Variants in OSBPL10 observed in about 807,000 individuals in gnomAD.
The protein encoded by OSBPL10 is oxysterol binding protein like 10, also known as oxysterol-binding protein-related protein 10.
OSBPL10 carries 49 observed loss-of-function variants against 81.7 expected under a neutral mutation model. That is an observed-to-expected ratio of 0.60 (90% CI 0.48 to 0.76). The LOEUF is 0.76. Ranked by LOEUF, OSBPL10 falls within the 30% of genes least tolerant of loss-of-function variation. OSBPL10 has a pLI of 0.00. For synonymous variants in OSBPL10, 419 were observed against 383.6 expected (o/e 1.09, Z -1.08); for missense variants, 923 against 987.8 (o/e 0.93, Z 0.88).
At chr3:31,861,331 T>C (rs535879822) in intron 3 of OSBPL10, among the ~76,000 whole-genome samples, 66 of 152,326 alleles carry the variant, frequency 4.3e-4, no homozygotes, top group African/African-American at 1.5e-3. Context: ...ATATAACCTA[T>C]GCATATATAT....
intron 1 of OSBPL10, among the ~76,000 whole-genome samples, chr3:31,881,114 C>T (rs561481562): frequency 4.6e-5 from 7 of 152,274 alleles, no homozygotes; most frequent in Admixed American, 4.6e-4. Flanking sequence ...CTTTGAAATG[C>T]TCCCTCATGG....
In OSBPL10 at chr3:31,981,164, G is replaced by C; in HGVS notation, c.16C>G (p.Gln6Glu). 1 of 1,483,002 alleles carries C rather than the reference G, an allele frequency of 6.7e-7. No individual in the cohort carries two copies. The highest frequency in any genetic ancestry group is 8.9e-7 in the Non-Finnish European group (1 of 1,121,836). 91.9% of individuals were successfully genotyped at this position (1,483,002 alleles called of 1,614,324 possible). The change falls in exon 1 of 12, where the codon CAG becomes GAG. Residue 6 changes from glutamine (Q) to glutamate (E), a missense_variant. Physicochemically the swap from Gln to Glu is conservative, Grantham distance 29 (BLOSUM62 2). This residue lies in a region of OSBPL10 where 514 missense variants were observed against 508.0 expected (regional missense o/e 1.01). Transcript: ENST00000396556. This position sits in a 1 kb window ranked among gnomAD's most constrained non-coding sequence, Gnocchi z 4.5. MERAVQGTDGGGGSNS... is the reference protein window; with the variant it reads MERAVEGTDGGGGSNS... Reference sequence around the variant, plus strand: ...CTACCCCCGCCGCCGTCTGTGCCCTGGACTGCCCTCTCCATGGTCCGTGGG... The same window carrying C: ...CTACCCCCGCCGCCGTCTGTGCCCTCGACTGCCCTCTCCATGGTCCGTGGG...
intron 2 of OSBPL10, among the ~76,000 whole-genome samples, chr3:32,038,193 G>A (rs1699537822): frequency 6.6e-6 from 1 of 152,128 alleles, no homozygotes; most frequent in Non-Finnish European, 1.5e-5. Context: ...TGTATTACCT[G>A]CTGCATACAA....
chr3:31,892,937 C>T (rs1293677373), intron 1 of OSBPL10, among the ~76,000 whole-genome samples: 1 of 152,122 alleles, frequency 6.6e-6, no homozygotes, highest in Non-Finnish European at 1.5e-5. Context: ...ATCTGTTAAC[C>T]GGTGGTTGAG....
intron 4 of OSBPL10, among the ~76,000 whole-genome samples, chr3:31,819,409 G>A (rs1015878866): frequency 3.3e-5 from 5 of 152,168 alleles, no homozygotes; most frequent in Non-Finnish European, 7.4e-5. Context: ...CTTTACATAC[G>A]AGAGATGTAA....
intron 2 of OSBPL10, among the ~76,000 whole-genome samples, chr3:32,014,681 G>A (rs1699296720): frequency 6.6e-6 from 1 of 152,182 alleles, no homozygotes; most frequent in Non-Finnish European, 1.5e-5. Flanking sequence ...TGACATGACT[G>A]TATATCTAGA....
intron 2 of OSBPL10, among the ~76,000 whole-genome samples, chr3:32,034,481 C>T (rs1325288768): frequency 6.7e-6 from 1 of 148,530 alleles, no homozygotes; most frequent in Non-Finnish European, 1.5e-5. Context: ...AATGTAAATA[C>T]TCTCCCCTCT....
At chr3:31,770,846 T>C (rs1354500166) in intron 4 of OSBPL10, among the ~76,000 whole-genome samples, 1 of 152,060 alleles carries the variant, frequency 6.6e-6, no homozygotes, top group Non-Finnish European at 1.5e-5. Context: ...CAATACATAA[T>C]AAAATACGAG....
intron 4 of OSBPL10, among the ~76,000 whole-genome samples, chr3:31,758,940 C>T (rs181879490): frequency 7.9e-5 from 12 of 152,210 alleles, no homozygotes; most frequent in African/African-American, 2.9e-4. Flanking sequence ...GGTCACCCTA[C>T]AGGCTGCGGC....
chr3:31,859,909 A>T (rs527843251), intron 3 of OSBPL10, among the ~76,000 whole-genome samples: 1 of 152,334 alleles, frequency 6.6e-6, no homozygotes, highest in African/African-American at 2.4e-5. Context: ...ACATGTAATC[A>T]GACTGGCCCT....
chr3:31,905,269 C>G (rs1397888269), intron 1 of OSBPL10, among the ~76,000 whole-genome samples: 3 of 149,706 alleles, frequency 2.0e-5, no homozygotes, highest in Admixed American at 1.3e-4. Context: ...TCAAGTCACA[C>G]GATGATATCA....
intron 1 of OSBPL10, among the ~76,000 whole-genome samples, chr3:32,054,998 A>C (rs927887826): frequency 6.6e-6 from 1 of 152,128 alleles, no homozygotes; most frequent in African/African-American, 2.4e-5. Flanking sequence ...AGACTGCAAC[A>C]TTAGAATATA....
intron 4 of OSBPL10, among the ~76,000 whole-genome samples, chr3:31,812,813 AG>A (rs1699739157): frequency 1.7e-5 from 1 of 59,294 alleles, no homozygotes; most frequent in African/African-American, 7.0e-5. Context: ...AAAGAAAGAA[AG>A]AAAGAGAAAG....
chr3:31,931,216 G>A (rs577576988), intron 1 of OSBPL10, among the ~76,000 whole-genome samples: 3 of 151,864 alleles, frequency 2.0e-5, no homozygotes, highest in Admixed American at 6.6e-5. Context: ...CCATGTGAAC[G>A]TAATACCTAC....
At chr3:32,031,022 G>T (rs1233253937) in intron 2 of OSBPL10, among the ~76,000 whole-genome samples, 1 of 152,050 alleles carries the variant, frequency 6.6e-6, no homozygotes, top group Non-Finnish European at 1.5e-5. Context: ...AAAAAGATTA[G>T]CCTGGCGTTG....
At chr3:31,931,014 CAAAAAAAAAAAAA>C (rs60251266) in intron 1 of OSBPL10, among the ~76,000 whole-genome samples, 7 of 62,064 alleles carry the variant, frequency 1.1e-4, no homozygotes, top group African/African-American at 4.2e-4. Flanking sequence ...GACTCGGTCT[CAAAAAAAAAAAAA>C]AAAAAAAAAA....
intron 4 of OSBPL10, among the ~76,000 whole-genome samples, chr3:31,772,009 C>A (rs887861195): frequency 6.6e-6 from 1 of 152,204 alleles, no homozygotes; most frequent in Non-Finnish European, 1.5e-5. Flanking sequence ...TATTACACTT[C>A]TCTTGCAGAA....
Position 31,670,912 on chromosome 3 carries a change from G to A in OSBPL10, c.1798C>T (p.Leu600Phe). The A allele has an allele frequency of 3.1e-6, 5 of 1,614,186 alleles. No individual in the cohort carries two copies. Among genetic ancestry groups the A allele is most frequent in the Non-Finnish European group, 4.2e-6 (5 of 1,180,014 alleles). The change falls in exon 9 of 12, where the codon CTC (leucine) becomes TTC (phenylalanine). Residue 600 changes from leucine (L) to phenylalanine (F), a missense_variant. By Grantham distance (22) the Leu-to-Phe change is conservative. Around this residue, in one of 3 missense-constraint regions of OSBPL10, gnomAD observed 387 missense variants for 436.3 expected, o/e 0.89. Transcript: ENST00000396556. ...TLPSAYARSI[L>F]TIPWVELGGK... Reference sequence around the variant, plus strand: ...CCGAGCTCCACCCACGGGATGGTGAGAATGGACCGGGCGTAGGCACTAGGC... The same window carrying A: ...CCGAGCTCCACCCACGGGATGGTGAAAATGGACCGGGCGTAGGCACTAGGC...
chr3:32,020,513 G>A (rs79488224), intron 2 of OSBPL10, among the ~76,000 whole-genome samples: 3,857 of 151,890 alleles, frequency 0.025, 142 homozygotes, highest in East Asian at 0.1. Flanking sequence ...CCATTGTATG[G>A]GCATACTACA....
Sources: allele counts gnomAD v4.1 joint callset (sites outside exome capture counted in the v4.1 genomes callset), GRCh38; gene constraint gnomAD v4.1.1; regional missense constraint gnomAD v4.1.1; non-coding constraint Gnocchi (gnomAD v3.1); transcripts MANE v1.5; gene names NCBI Gene and HGNC (gene_info 2026-07-23, HGNC 2026-07-21).